IRF2: variants seen among roughly 807,000 people sequenced by gnomAD.
IRF2 encodes the protein interferon regulatory factor 2.
A neutral mutation model predicts 40.6 loss-of-function variants in IRF2; 15 were observed. The observed-to-expected ratio is 0.37, with a 90% CI of 0.25 to 0.57. The LOEUF is 0.57. Ranked by LOEUF, IRF2 falls within the 20% of genes least tolerant of loss-of-function variation. The probability of loss-of-function intolerance (pLI) is 0.77; values close to 1 mark genes in which losing one functional copy is unlikely to be tolerated. For missense variants in IRF2, 317 were observed against 455.7 expected, an observed-to-expected ratio of 0.70 and a Z score of 2.77; for synonymous variants, 151 against 165.5, an observed-to-expected ratio of 0.91 and a Z score of 0.67.
intron 4 of IRF2, 159 bp from the exon 5 acceptor site, chr4:184,418,372 C>G: frequency 1.1e-6 from 1 of 940,684 alleles, no homozygotes; most frequent in Admixed American, 2.0e-5. Flanking sequence ...TCTGGTGAAT[C>G]GAAAGTCTTG....
chr4:184,419,421 C>T, intron 3 of IRF2, 48 bp downstream of exon 3: 1 of 1,271,968 alleles, frequency 7.9e-7, no homozygotes. Context: ...AAAAACAAAA[C>T]TAAGCAAGAG....
intron 1 of IRF2, among the ~76,000 whole-genome samples, chr4:184,458,214 A>G (rs954784531): frequency 6.6e-6 from 1 of 152,234 alleles, no homozygotes; most frequent in Admixed American, 6.5e-5. Flanking sequence ...CCAGTAAATT[A>G]AAAAGAATAA....
intron 6 of IRF2, among the ~76,000 whole-genome samples, chr4:184,405,593 G>A (rs531340025): frequency 1.8e-4 from 28 of 152,334 alleles, no homozygotes; most frequent in Admixed American, 5.2e-4. Context: ...GGGCAGTGGT[G>A]ACATGATGAC....
At chr4:184,455,244 C>CCCCTCCCCTCCCCCTTCCCTCCCTCT (rs1738871616) in intron 1 of IRF2, among the ~76,000 whole-genome samples, 1 of 107,496 alleles carries the variant, frequency 9.3e-6, no homozygotes. Flanking sequence ...TCTTCTTCCT[C>CCCCTCCCCTCCCCCTTCCCTCCCTCT]CCCTCCCCTC....
At chr4:184,440,489 G>T (rs1738264381) in intron 1 of IRF2, among the ~76,000 whole-genome samples, 1 of 152,246 alleles carries the variant, frequency 6.6e-6, no homozygotes, top group Non-Finnish European at 1.5e-5. Context: ...CCACACAGTG[G>T]CCTGGCCACT....
chr4:184,437,006 C>T (rs1389794157), intron 1 of IRF2, among the ~76,000 whole-genome samples: 3 of 152,190 alleles, frequency 2.0e-5, no homozygotes, highest in African/African-American at 4.8e-5. Context: ...TCACCTCAGC[C>T]TCTCAAGTAC....
chr4:184,418,771 C>T lies in IRF2; in HGVS notation c.188-63G>A. 3.5e-6 allele frequency: 5 copies of T among 1,411,058 alleles called. No homozygotes were observed. The South Asian group carries it at 4.9e-5, about 14-fold the overall frequency. 87.4% of individuals were successfully genotyped at this position (1,411,058 alleles called of 1,614,324 possible). The stretch of plus-strand genomic sequence containing the variant: ...ACATTAGATACAGAGGAAGGAATTT[C>T]TGGAAACACAGTATTGCTGGTCAGG... On this transcript the variant is annotated intron_variant, in intron 3 of 8. Transcript: ENST00000393593.
At chr4:184,396,580 A>T (rs755024776) in intron 7 of IRF2, among the ~76,000 whole-genome samples, 5 of 151,852 alleles carry the variant, frequency 3.3e-5, no homozygotes, top group Non-Finnish European at 5.9e-5. Flanking sequence ...GACTACGGGC[A>T]CATGCCACCA....
intron 1 of IRF2, among the ~76,000 whole-genome samples, chr4:184,430,683 A>G (rs1215435945): frequency 1.3e-5 from 2 of 151,994 alleles, no homozygotes; most frequent in African/African-American, 4.8e-5. Context: ...TTTAAGTTCT[A>G]CCGCAGGAAG....
Sources: gnomAD v4.1 joint callset for allele counts (sites outside exome capture counted in the v4.1 genomes callset) on GRCh38, gnomAD v4.1.1 for gene constraint, MANE v1.5 for transcripts, NCBI Gene and HGNC (gene_info 2026-07-23, HGNC 2026-07-21) for gene names.